Variants in GPC5 observed in about 807,000 individuals in gnomAD.
GPC5 encodes the protein glypican 5, also known as glypican-5.
Under a neutral mutation model 53.9 loss-of-function variants are expected in GPC5, and 47 were observed. That is an observed-to-expected ratio of 0.87 (90% CI 0.69 to 1.11). The LOEUF is 1.11. Among genes scored for constraint, GPC5 ranks in the 50% most tolerant of loss-of-function variants. GPC5 has a pLI of 0.00. For missense variants in GPC5, 748 were observed against 713.1 expected (o/e 1.05, Z -0.56); for synonymous variants, 286 against 263.3 (o/e 1.09, Z -0.84).
In GPC5 at chr13:92,000,355, C is replaced by T. The variant is rs557691967; in HGVS notation, c.1401+92298C>T. On this transcript the variant is annotated intron_variant, in intron 6 of 7. Coordinates refer to ENST00000377067, the MANE Select transcript of GPC5 (RefSeq NM_004466.6). The stretch of plus-strand genomic sequence containing the variant: ...CTTGTATTTTTGAGACTCAACTATT[C>T]TTCAGAAATAAATATATATCATTCT... Among the ~76,000 whole-genome samples the T allele has an allele frequency of 2.0e-5, 3 of 152,120 alleles. No individual in the cohort carries two copies. In the South Asian group the frequency reaches 6.2e-4, roughly 32 times the overall value.
intron 6 of GPC5, among the ~76,000 whole-genome samples, chr13:92,042,301 A>G (rs755525797): frequency 6.6e-6 from 1 of 152,170 alleles, no homozygotes; most frequent in Non-Finnish European, 1.5e-5. Flanking sequence ...CTGATCCTTG[A>G]TGACAGGTGG....
At chr13:91,894,875 A>T (rs2039424502) in intron 5 of GPC5, among the ~76,000 whole-genome samples, 1 of 152,162 alleles carries the variant, frequency 6.6e-6, no homozygotes, top group South Asian at 2.1e-4. Context: ...CACCAGCAAG[A>T]CATGTCTCAG....
At chr13:92,642,457 A>T (rs1447933777) in intron 7 of GPC5, among the ~76,000 whole-genome samples, 2 of 152,146 alleles carry the variant, frequency 1.3e-5, no homozygotes, top group African/African-American at 4.8e-5. Context: ...CTTCCATTAC[A>T]TGGTAGTCCA....
intron 2 of GPC5, among the ~76,000 whole-genome samples, chr13:91,452,630 T>C (rs1881261689): frequency 6.6e-6 from 1 of 152,138 alleles, no homozygotes; most frequent in Non-Finnish European, 1.5e-5. Flanking sequence ...TCTTTATACA[T>C]GACAGTATGG....
At chr13:92,664,984 AC>A (rs1886521774) in intron 7 of GPC5, among the ~76,000 whole-genome samples, 1 of 152,206 alleles carries the variant, frequency 6.6e-6, no homozygotes, top group African/African-American at 2.4e-5. Context: ...ATATGTTAAT[AC>A]AAATGTGATC....
chr13:91,938,300 A>G (rs1365938310), intron 6 of GPC5, among the ~76,000 whole-genome samples: 1 of 152,110 alleles, frequency 6.6e-6, no homozygotes, highest in Non-Finnish European at 1.5e-5. Flanking sequence ...CAAGAGACAG[A>G]GCAAGAGAGA....
At chr13:91,586,396 T>C (rs1319279568) in intron 2 of GPC5, among the ~76,000 whole-genome samples, 1 of 145,140 alleles carries the variant, frequency 6.9e-6, no homozygotes, top group Non-Finnish European at 1.5e-5. Context: ...ACTGGGTCAT[T>C]TATAAAGAAA....
chr13:92,539,433 T>G (rs914424551), intron 7 of GPC5, among the ~76,000 whole-genome samples: 3 of 152,168 alleles, frequency 2.0e-5, no homozygotes. Flanking sequence ...ATGATGAGCA[T>G]TTTTTCATAT....
intron 7 of GPC5, among the ~76,000 whole-genome samples, chr13:92,633,446 T>C (rs1885319854): frequency 6.6e-6 from 1 of 152,102 alleles, no homozygotes; most frequent in African/African-American, 2.4e-5. Context: ...AGCTGAGGGT[T>C]TTAAAAAATA....
chr13:91,655,395 T>C (rs572183947), intron 2 of GPC5, among the ~76,000 whole-genome samples: 22 of 152,184 alleles, frequency 1.4e-4, no homozygotes, highest in African/African-American at 5.1e-4. Flanking sequence ...AAATATAAGT[T>C]ATAATTAGTT....
chr13:91,450,748 A>T (rs1881123260), intron 2 of GPC5, among the ~76,000 whole-genome samples: 1 of 152,090 alleles, frequency 6.6e-6, no homozygotes, highest in Non-Finnish European at 1.5e-5. Context: ...AATTATAAAA[A>T]ATATAGAGAC....
At chr13:92,439,433 C>T (rs902114465) in intron 7 of GPC5, among the ~76,000 whole-genome samples, 2 of 152,254 alleles carry the variant, frequency 1.3e-5, no homozygotes, top group South Asian at 2.1e-4. Flanking sequence ...AGGAATAAAT[C>T]TGAATACTTT....
At chr13:91,452,171 A>C (rs878920978) in intron 2 of GPC5, among the ~76,000 whole-genome samples, 2 of 151,844 alleles carry the variant, frequency 1.3e-5, no homozygotes, top group African/African-American at 4.8e-5. Flanking sequence ...TTTTATAGAG[A>C]TAGGGTTTTG....
intron 5 of GPC5, among the ~76,000 whole-genome samples, chr13:91,775,223 T>C (rs1395602439): frequency 6.6e-6 from 1 of 152,156 alleles, no homozygotes; most frequent in Non-Finnish European, 1.5e-5. Flanking sequence ...TGACAAAAAG[T>C]TATGAAAAAT....
At chr13:91,535,074 C>T (rs1257389540) in intron 2 of GPC5, among the ~76,000 whole-genome samples, 1 of 152,182 alleles carries the variant, frequency 6.6e-6, no homozygotes. Flanking sequence ...TCATTTTTAG[C>T]TCTACGCCTT....
At chr13:92,177,717 G>A (rs1398604349) in intron 7 of GPC5, among the ~76,000 whole-genome samples, 1 of 152,100 alleles carries the variant, frequency 6.6e-6, no homozygotes, top group East Asian at 1.9e-4. Context: ...GTCTTCATGT[G>A]ACAACACTGA....
At chr13:91,967,190 C>T (rs2040189259) in intron 6 of GPC5, among the ~76,000 whole-genome samples, 2 of 152,020 alleles carry the variant, frequency 1.3e-5, no homozygotes, top group Admixed American at 6.6e-5. Context: ...CTTTATAAAA[C>T]CATCAGATCT....
At position 92,358,301 on chromosome 13, in the gene GPC5, G is replaced by T. The variant is rs1400829444; in HGVS notation, c.1561+213312G>T. Among the ~76,000 whole-genome samples, 5 of 151,174 alleles carry T rather than the reference G, an allele frequency of 3.3e-5. 1 individual carries two copies. Among genetic ancestry groups the T allele is most frequent in the African/African-American group, 9.9e-5 (4 of 40,548 alleles). ...ACAAGGGGTGGGCTCCCAAGTTTTT[G>T]GGCAACTCCACCCCTGTGGCTCTGC... is the stretch of plus-strand genomic sequence containing the variant. On this transcript the variant is annotated intron_variant, in intron 7 of 7. Transcript: ENST00000377067.
intron 6 of GPC5, among the ~76,000 whole-genome samples, chr13:92,098,718 T>C (rs1271822891): frequency 6.6e-6 from 1 of 152,164 alleles, no homozygotes; most frequent in Non-Finnish European, 1.5e-5. Context: ...TAGTCTATCT[T>C]ATCCAGGTGA....
Sources: allele counts gnomAD v4.1 joint callset (sites outside exome capture counted in the v4.1 genomes callset), GRCh38; gene constraint gnomAD v4.1.1; transcripts MANE v1.5; gene names NCBI Gene and HGNC (gene_info 2026-07-23, HGNC 2026-07-21).